The following ZC3H3 variants were observed in gnomAD, a reference collection of about 807,000 sequenced individuals.
ZC3H3 encodes zinc finger CCCH domain-containing protein 3.
A neutral mutation model predicts 77.3 loss-of-function variants in ZC3H3; 36 were observed. The observed-to-expected ratio is 0.47, with a 90% CI of 0.36 to 0.61. ZC3H3 has a LOEUF of 0.61. ZC3H3 is among the 20% of genes least tolerant of loss of function. The pLI is 0.00. For synonymous variants in ZC3H3, 626 were observed against 555.2 expected, an observed-to-expected ratio of 1.13 and a Z score of -1.79; for missense variants, 1,331 against 1,312.2, an observed-to-expected ratio of 1.01 and a Z score of -0.22.
chr8:143,514,203 G>A (rs1183392902), intron 3 of ZC3H3, among the ~76,000 whole-genome samples: 1 of 152,174 alleles, frequency 6.6e-6, no homozygotes, highest in African/African-American at 2.4e-5. Context: ...ATGTGCAGGG[G>A]GCAGTGAGGT....
At chr8:143,509,966 C>G (rs1162928420) in intron 3 of ZC3H3, among the ~76,000 whole-genome samples, 1 of 152,216 alleles carries the variant, frequency 6.6e-6, no homozygotes, top group Admixed American at 6.5e-5. Flanking sequence ...AATTCCCAGC[C>G]CCGACTGCAC....
rs149757754 is a variant in ZC3H3 at position 143,512,256 on chromosome 8, C to A, written c.1562-4357G>T. On this transcript the variant is annotated intron_variant, in intron 3 of 11. Coordinates refer to ENST00000262577, the MANE Select transcript of ZC3H3 (RefSeq NM_015117.3). ...CTGAGGGCATTCCGGCCAGTCAGGC[C>A]CCCCATCCCTAATTCCTGAAGATTC... is the stretch of plus-strand genomic sequence containing the variant. Among the ~76,000 whole-genome samples the A allele has an allele frequency of 6.2e-4, 94 of 152,322 alleles. 3 individuals carry two copies. In the East Asian group the frequency reaches 0.017, roughly 27 times the overall value.
chr8:143,538,174 G>A lies in ZC3H3; in HGVS notation c.1193C>T (p.Ala398Val). The change falls in exon 2 of 12, where the codon GCC becomes GTC. Residue 398 changes from alanine to valine, a missense_variant. Physicochemically the swap from Ala to Val is moderately conservative, Grantham distance 64. Around this residue, in one of 3 missense-constraint regions of ZC3H3, gnomAD observed 978 missense variants for 915.5 expected, o/e 1.07. Coordinates refer to ENST00000262577, the MANE Select transcript of ZC3H3 (RefSeq NM_015117.3). The part of the protein sequence containing the change: ...SSSSFRWQSE[A>V]SSKDHASQLS... ...CTGGGAGGCATGGTCCTTGCTGCTG[G>A]CCTCCGACTGCCAACGGAAGGAGGA... 1.2e-6 allele frequency: 2 copies of A among 1,613,008 alleles called. No individual in the cohort carries two copies. Among genetic ancestry groups the A allele is most frequent in the African/African-American group, 1.3e-5 (1 of 75,068 alleles).
intron 3 of ZC3H3, among the ~76,000 whole-genome samples, chr8:143,514,728 G>A (rs888936851): frequency 2.0e-5 from 3 of 152,222 alleles, no homozygotes; most frequent in African/African-American, 7.2e-5. Context: ...TCACCGCCTG[G>A]ACGTTCACCT....
Position 143,440,153 on chromosome 8 carries a change from CGCTGCT to C in ZC3H3, c.2697_2702del (p.Ala900_Ala901del). The C allele has an allele frequency of 6.2e-7, 1 of 1,611,996 alleles. No individual in the cohort carries two copies. The highest frequency in any genetic ancestry group is 1.7e-5 in the Admixed American group (1 of 59,930). The stretch of plus-strand genomic sequence containing the variant: ...GCAGCTTGCAGAGCCTGTTGGAGCA[CGCTGCT>C]GCTAAGGCAGCCTCCTGGAGAGATG... On this transcript the variant is annotated inframe_deletion, in exon 11 of 12. Transcript: ENST00000262577.
chr8:143,488,618 C>T (rs1821111842), intron 4 of ZC3H3, among the ~76,000 whole-genome samples: 1 of 152,232 alleles, frequency 6.6e-6, no homozygotes, highest in African/African-American at 2.4e-5. Context: ...AAAGCAGGTG[C>T]TCATGGGGTA....
At chr8:143,523,644 C>A (rs1329377724) in intron 3 of ZC3H3, 1 of 675,426 alleles carries the variant, frequency 1.5e-6, no homozygotes, top group East Asian at 1.4e-4. Context: ...GGCAGGCAGA[C>A]CCTCTGCTGC....
chr8:143,465,370 C>T (rs1482150805), intron 9 of ZC3H3, among the ~76,000 whole-genome samples: 2 of 152,138 alleles, frequency 1.3e-5, no homozygotes, highest in African/African-American at 4.8e-5. Context: ...TCCAATATCC[C>T]CTTCACTGCA....
chr8:143,498,469 T>C (rs1308437536), intron 4 of ZC3H3, among the ~76,000 whole-genome samples: 2 of 152,144 alleles, frequency 1.3e-5, no homozygotes, highest in Non-Finnish European at 2.9e-5. Context: ...CCTGCTGTCC[T>C]GCCACGGAGG....
intron 4 of ZC3H3, among the ~76,000 whole-genome samples, chr8:143,498,691 T>A (rs1265305381): frequency 8.8e-6 from 1 of 114,156 alleles, no homozygotes; most frequent in Non-Finnish European, 1.9e-5. Flanking sequence ...CCAAGGGGGA[T>A]GGGAACCGGG....
At chr8:143,540,419 G>A (rs1053198601) in intron 1 of ZC3H3, among the ~76,000 whole-genome samples, 1 of 152,092 alleles carries the variant, frequency 6.6e-6, no homozygotes, top group Non-Finnish European at 1.5e-5. Context: ...CTGTAGAGAC[G>A]GGCTCTCGTC....
intron 3 of ZC3H3, among the ~76,000 whole-genome samples, chr8:143,520,210 G>C (rs2130462299): frequency 1.3e-5 from 2 of 152,350 alleles, no homozygotes; most frequent in South Asian, 4.1e-4. Context: ...GAGGCAGGTG[G>C]GGTCTCCCCC....
At position 143,538,981 on chromosome 8, in the gene ZC3H3, G is replaced by A. The variant is rs374282492; in HGVS notation, c.386C>T (p.Pro129Leu). 2.5e-5 allele frequency: 40 copies of A among 1,612,956 alleles called. No individual in the cohort carries two copies. Among genetic ancestry groups the A allele is most frequent in the East Asian group, 4.5e-5 (2 of 44,894 alleles). ...QGQNVVIKVK[P>L]PSKSGSASAS... is the part of the protein sequence containing the mutation. ...ACTGGCAGAGCCAGACTTTGATGGC[G>A]GTTTAACTTTGATGACCACGTTCTG... Residue 129 changes from proline to leucine, a missense_variant, in exon 2 of 12, where the codon CCG becomes CTG. Physicochemically the swap from Pro to Leu is moderately conservative, Grantham distance 98 (BLOSUM62 -3). Around this residue, in one of 3 missense-constraint regions of ZC3H3, gnomAD observed 978 missense variants for 915.5 expected, o/e 1.07. Coordinates refer to ENST00000262577, the MANE Select transcript of ZC3H3 (RefSeq NM_015117.3).
chr8:143,508,547 T>C (rs148204180), intron 3 of ZC3H3, among the ~76,000 whole-genome samples: 9 of 152,364 alleles, frequency 5.9e-5, no homozygotes, highest in African/African-American at 2.2e-4. Context: ...TCCCTTCCAC[T>C]TGATAGCTGG....
intron 3 of ZC3H3, among the ~76,000 whole-genome samples, chr8:143,532,689 G>A (rs573180117): frequency 5.3e-5 from 8 of 152,380 alleles, no homozygotes; most frequent in Non-Finnish European, 1.0e-4. Context: ...GCCCTGCCCA[G>A]AAGCCCACTG....
At chr8:143,480,755 C>T (rs923125696) in intron 4 of ZC3H3, among the ~76,000 whole-genome samples, 1 of 152,232 alleles carries the variant, frequency 6.6e-6, no homozygotes, top group Non-Finnish European at 1.5e-5. Context: ...GCGGTGTCTC[C>T]GTGCCATGCG....
intron 3 of ZC3H3, among the ~76,000 whole-genome samples, chr8:143,517,431 TG>T (rs1822095190): frequency 6.6e-6 from 1 of 152,240 alleles, no homozygotes; most frequent in Admixed American, 6.5e-5. Context: ...CGGACCAAGT[TG>T]GGCCTGTACC....
At chr8:143,537,921 A>G in intron 2 of ZC3H3, 82 bp downstream of exon 2, 1 of 1,336,416 alleles carries the variant, frequency 7.5e-7, no homozygotes, top group African/African-American at 1.5e-5. Context: ...CAAAGCTCCG[A>G]GCTCAGCAGA....
chr8:143,481,423 T>G (rs561767505), intron 4 of ZC3H3, among the ~76,000 whole-genome samples: 1 of 152,246 alleles, frequency 6.6e-6, no homozygotes, highest in Admixed American at 6.5e-5. Flanking sequence ...TCCGTGAGGT[T>G]GTGTCTGTGC....
Sources: gnomAD v4.1 joint callset for allele counts (sites outside exome capture counted in the v4.1 genomes callset) on GRCh38, gnomAD v4.1.1 for gene constraint, gnomAD v4.1.1 regional missense constraint, MANE v1.5 for transcripts, NCBI Gene and HGNC (gene_info 2026-07-23, HGNC 2026-07-21) for gene names.